The following PALM2AKAP2 variants were observed in gnomAD, a reference collection of about 807,000 sequenced individuals.
PALM2AKAP2 encodes PALM2-AKAP2 fusion protein.
In PALM2AKAP2, 37 loss-of-function variants were observed where a neutral mutation model predicts 71.5. The observed-to-expected ratio is 0.52, with a 90% confidence interval of 0.40 to 0.68. The LOEUF is 0.68. Among genes scored for constraint, PALM2AKAP2 ranks in the 30% least tolerant of loss-of-function variants. The pLI, the probability that PALM2AKAP2 is intolerant of heterozygous loss-of-function variation, is 0.00. For synonymous variants in PALM2AKAP2, 468 were observed against 478.8 expected, an observed-to-expected ratio of 0.98 and a Z score of 0.29; for missense variants, 1,224 against 1,191.8, an observed-to-expected ratio of 1.03 and a Z score of -0.40.
At chr9:110,022,215 C>T (rs1833085354) in intron 7 of PALM2AKAP2, among the ~76,000 whole-genome samples, 1 of 152,140 alleles carries the variant, frequency 6.6e-6, no homozygotes, top group African/African-American at 2.4e-5. Context: ...TACTTGTAGC[C>T]TGGATACTGT....
At chr9:109,942,144 G>A (rs1181316513) in intron 6 of PALM2AKAP2, among the ~76,000 whole-genome samples, 3 of 152,196 alleles carry the variant, frequency 2.0e-5, no homozygotes, top group Non-Finnish European at 4.4e-5. Flanking sequence ...TAATATGAAT[G>A]CTCCCATGCT....
chr9:110,031,022 A>G (rs898135034), intron 7 of PALM2AKAP2, among the ~76,000 whole-genome samples: 15 of 152,248 alleles, frequency 9.9e-5, no homozygotes, highest in African/African-American at 3.6e-4. Flanking sequence ...CAGCAGCTGC[A>G]GTTCCCACTC....
intron 1 of PALM2AKAP2, among the ~76,000 whole-genome samples, chr9:110,064,670 A>C (rs143945532): frequency 1.5e-4 from 23 of 152,162 alleles, no homozygotes; most frequent in Admixed American, 2.6e-4. Flanking sequence ...CAGTTCCTTC[A>C]TTGTCCCACC....
chr9:109,863,537 A>G (rs1739427505), intron 1 of PALM2AKAP2, among the ~76,000 whole-genome samples: 1 of 152,140 alleles, frequency 6.6e-6, no homozygotes, highest in African/African-American at 2.4e-5. Context: ...GGAGAGGTAG[A>G]GTTGTAGAGT....
chr9:109,995,451 T>C (rs1188627404), intron 6 of PALM2AKAP2, among the ~76,000 whole-genome samples: 1 of 152,108 alleles, frequency 6.6e-6, no homozygotes, highest in Admixed American at 6.5e-5. Flanking sequence ...CTCACGCTGC[T>C]AAAAAAGACA....
chr9:109,910,417 G>A (rs1218343521), intron 3 of PALM2AKAP2, among the ~76,000 whole-genome samples: 1 of 152,136 alleles, frequency 6.6e-6, no homozygotes, highest in Non-Finnish European at 1.5e-5. Context: ...AAGCATGTTC[G>A]GTAGGAATTA....
intron 1 of PALM2AKAP2, among the ~76,000 whole-genome samples, chr9:109,743,259 T>G (rs1181399632): frequency 6.6e-6 from 1 of 152,168 alleles, no homozygotes; most frequent in Non-Finnish European, 1.5e-5. Context: ...CTTAGGTGGA[T>G]CCAAGAAGTA....
chr9:109,898,340 G>C (rs1740671733), intron 3 of PALM2AKAP2, among the ~76,000 whole-genome samples: 1 of 152,144 alleles, frequency 6.6e-6, no homozygotes, highest in South Asian at 2.1e-4. Flanking sequence ...CCATCCTCCT[G>C]AATTTTCTTT....
At chr9:109,882,222 C>T (rs1282234139) in intron 3 of PALM2AKAP2, among the ~76,000 whole-genome samples, 1 of 152,064 alleles carries the variant, frequency 6.6e-6, no homozygotes, top group Non-Finnish European at 1.5e-5. Context: ...TAAGCTGCTA[C>T]CAGCCATTTA....
intron 1 of PALM2AKAP2, among the ~76,000 whole-genome samples, chr9:109,790,585 AGT>A (rs1047150903): frequency 7.9e-5 from 12 of 152,298 alleles, no homozygotes; most frequent in South Asian, 2.1e-4. Flanking sequence ...CAACTGTGAT[AGT>A]GTGTGTGTCC....
exon 2 of PALM2AKAP2, chr9:110,136,149 A>T (rs1835858593): frequency 1.3e-6 from 2 of 1,590,616 alleles, no homozygotes. Flanking sequence ...CTTTCTGAGG[A>T]TGATATCTGG....
chr9:109,872,950 C>T (rs895406783), intron 2 of PALM2AKAP2, among the ~76,000 whole-genome samples: 1 of 152,184 alleles, frequency 6.6e-6, no homozygotes, highest in African/African-American at 2.4e-5. Context: ...AACCTGATTT[C>T]TTCTATCAGA....
chr9:109,963,007 T>C (rs1831880207), intron 6 of PALM2AKAP2, among the ~76,000 whole-genome samples: 1 of 152,212 alleles, frequency 6.6e-6, no homozygotes. Flanking sequence ...AGAGCACTTG[T>C]GCTTGTGTAC....
At chr9:109,746,077 G>C (rs541072165) in intron 1 of PALM2AKAP2, among the ~76,000 whole-genome samples, 19 of 152,272 alleles carry the variant, frequency 1.2e-4, no homozygotes, top group African/African-American at 4.3e-4. Flanking sequence ...TTCACAGCCC[G>C]GGAGGAACAC....
intron 1 of PALM2AKAP2, among the ~76,000 whole-genome samples, chr9:110,094,686 G>A (rs1168683942): frequency 6.6e-6 from 1 of 152,012 alleles, no homozygotes; most frequent in Non-Finnish European, 1.5e-5. Flanking sequence ...CGGGTAATCT[G>A]CCCCCATGAT....
chr9:109,812,533 G>A (rs150809112), intron 1 of PALM2AKAP2, among the ~76,000 whole-genome samples: 138 of 152,244 alleles, frequency 9.1e-4, no homozygotes, highest in African/African-American at 3.2e-3. Context: ...AGCAAGGCGC[G>A]GCTGATGAGG....
intron 1 of PALM2AKAP2, among the ~76,000 whole-genome samples, chr9:109,764,820 T>TA (rs11313407): frequency 6.6e-6 from 1 of 151,978 alleles, no homozygotes; most frequent in Non-Finnish European, 1.5e-5. Flanking sequence ...GAATATTTTT[T>TA]AAAAAAAAGA....
chr9:109,816,034 A>G (rs1827843185), intron 1 of PALM2AKAP2, among the ~76,000 whole-genome samples: 1 of 152,244 alleles, frequency 6.6e-6, no homozygotes, highest in African/African-American at 2.4e-5. Flanking sequence ...ATTTATGCTA[A>G]GTATGGGCTT....
chr9:109,758,987 T>C (rs1176553094), intron 1 of PALM2AKAP2, among the ~76,000 whole-genome samples: 1 of 152,154 alleles, frequency 6.6e-6, no homozygotes, highest in African/African-American at 2.4e-5. Flanking sequence ...TTGTATTTTC[T>C]ATTCTGTGAG....
Sources: allele counts gnomAD v4.1 joint callset (sites outside exome capture counted in the v4.1 genomes callset), GRCh38; gene constraint gnomAD v4.1.1; transcripts MANE v1.5; gene names NCBI Gene and HGNC (gene_info 2026-07-23, HGNC 2026-07-21).